The following PRKN variants were observed in gnomAD, a reference collection of about 807,000 sequenced individuals.
PRKN encodes parkin RBR E3 ubiquitin protein ligase.
PRKN carries 56 observed loss-of-function variants against 59.5 expected under a neutral mutation model. The observed-to-expected ratio is 0.94, with a 90% CI of 0.76 to 1.18. The LOEUF is 1.18. Among genes scored for constraint, PRKN ranks in the 50% most tolerant of loss-of-function variants. The pLI, the probability that PRKN is intolerant of heterozygous loss-of-function variation, is 0.00. For synonymous variants in PRKN, 250 were observed against 222.1 expected, an observed-to-expected ratio of 1.13 and a Z score of -1.12; for missense variants, 657 against 596.4, an observed-to-expected ratio of 1.10 and a Z score of -1.06.
intron 1 of PRKN, among the ~76,000 whole-genome samples, chr6:162,581,686 G>T (rs1780798556): frequency 6.6e-6 from 1 of 152,198 alleles, no homozygotes; most frequent in South Asian, 2.1e-4. Context: ...TTGAACCCAG[G>T]AGGCAGAGGG....
At chr6:162,024,855 A>G (rs1783359872) in intron 5 of PRKN, among the ~76,000 whole-genome samples, 1 of 152,216 alleles carries the variant, frequency 6.6e-6, no homozygotes, top group Admixed American at 6.5e-5. Flanking sequence ...CTAAACTGTA[A>G]GCATCTCAAA....
intron 3 of PRKN, among the ~76,000 whole-genome samples, chr6:162,254,152 G>T (rs558419508): frequency 9.2e-5 from 14 of 152,152 alleles, no homozygotes; most frequent in African/African-American, 3.4e-4. Flanking sequence ...CCATGTATTT[G>T]AATCATGAAA....
rs139414564 is a variant in PRKN at position 162,498,509 on chromosome 6, G to A, written c.8-55036C>T. Reference sequence around the variant, plus strand: ...TGCCCAGGCTGGAGTGCAATGGTGCGATCTCGGTTGACTGCAACCTCTGCC... The same window carrying A: ...TGCCCAGGCTGGAGTGCAATGGTGCAATCTCGGTTGACTGCAACCTCTGCC... On this transcript the variant is annotated intron_variant, in intron 1 of 11. Transcript: ENST00000366898. Among the ~76,000 whole-genome samples, 1,310 of 134,000 alleles carry A rather than the reference G, an allele frequency of 9.8e-3. 14 individuals are homozygous for A. The highest frequency in any genetic ancestry group is 0.029 in the Middle Eastern group (7 of 238). 87.9% of individuals were successfully genotyped at this position (134,000 alleles called of 152,430 possible).
At chr6:161,974,493 C>T (rs1330821026) in intron 5 of PRKN, among the ~76,000 whole-genome samples, 1 of 152,124 alleles carries the variant, frequency 6.6e-6, no homozygotes, top group Non-Finnish European at 1.5e-5. Context: ...ATAATATTCT[C>T]CCTTCTCAAC....
At chr6:161,918,568 C>T (rs1306146499) in intron 6 of PRKN, among the ~76,000 whole-genome samples, 1 of 152,162 alleles carries the variant, frequency 6.6e-6, no homozygotes, top group Non-Finnish European at 1.5e-5. Flanking sequence ...CAAAATACTG[C>T]ATGGTATACA....
chr6:162,445,101 T>C (rs1790246738), intron 1 of PRKN, among the ~76,000 whole-genome samples: 1 of 152,166 alleles, frequency 6.6e-6, no homozygotes, highest in South Asian at 2.1e-4. Context: ...CAATGTGAGA[T>C]GACCCACCTC....
chr6:162,134,243 A>G (rs2128308735), intron 4 of PRKN, among the ~76,000 whole-genome samples: 1 of 152,274 alleles, frequency 6.6e-6, no homozygotes, highest in Admixed American at 6.5e-5. Context: ...GTACATATAC[A>G]ATGTCACCAC....
intron 2 of PRKN, among the ~76,000 whole-genome samples, chr6:162,396,168 G>C (rs1379235245): frequency 6.6e-6 from 1 of 152,146 alleles, no homozygotes; most frequent in African/African-American, 2.4e-5. Flanking sequence ...AATGCTGCTG[G>C]GCCATTTTGT....
At chr6:162,035,603 A>G (rs148635020) in intron 5 of PRKN, among the ~76,000 whole-genome samples, 18 of 152,334 alleles carry the variant, frequency 1.2e-4, no homozygotes, top group African/African-American at 4.1e-4. Flanking sequence ...TGTGACTAGT[A>G]AAAGAAAATG....
At chr6:161,721,776 G>T (rs1787233922) in intron 7 of PRKN, among the ~76,000 whole-genome samples, 2 of 152,054 alleles carry the variant, frequency 1.3e-5, no homozygotes, top group Non-Finnish European at 1.5e-5. Context: ...CCCCTACTCG[G>T]TGAACAGAAA....
intron 1 of PRKN, among the ~76,000 whole-genome samples, chr6:162,588,248 T>C (rs1781148160): frequency 6.6e-6 from 1 of 151,860 alleles, no homozygotes; most frequent in Admixed American, 6.6e-5. Flanking sequence ...TGACCTCAAG[T>C]GATCTGCCTG....
intron 1 of PRKN, among the ~76,000 whole-genome samples, chr6:162,577,523 C>G (rs573809258): frequency 6.6e-6 from 1 of 151,950 alleles, no homozygotes; most frequent in Non-Finnish European, 1.5e-5. Context: ...TTGCTTGAAC[C>G]CGGGAGGCGG....
intron 5 of PRKN, among the ~76,000 whole-genome samples, chr6:161,984,673 G>C (rs11759694): frequency 0.14 from 20,674 of 152,024 alleles, 1,476 homozygotes; most frequent in South Asian, 0.23. Context: ...CTTGGAGAAA[G>C]CTTTGACCTT....
intron 9 of PRKN, among the ~76,000 whole-genome samples, chr6:161,491,659 CTT>C (rs1777562607): frequency 1.3e-5 from 2 of 150,522 alleles, no homozygotes; most frequent in Non-Finnish European, 2.9e-5. Flanking sequence ...GAGATGAAGT[CTT>C]TCTCTGTCAC....
At chr6:161,948,619 G>C (rs1779868734) in intron 6 of PRKN, among the ~76,000 whole-genome samples, 1 of 152,176 alleles carries the variant, frequency 6.6e-6, no homozygotes, top group South Asian at 2.1e-4. Context: ...CAGATAAACA[G>C]AGACCTGAGA....
chr6:161,686,075 CA>C (rs34114820), intron 7 of PRKN, among the ~76,000 whole-genome samples: 19,824 of 128,514 alleles, frequency 0.15, 1,508 homozygotes, highest in South Asian at 0.28. Flanking sequence ...TAGAAAACAG[CA>C]AAAAAAAAAA....
intron 7 of PRKN, among the ~76,000 whole-genome samples, chr6:161,643,956 C>T (rs759425317): frequency 3.5e-4 from 41 of 117,248 alleles, no homozygotes; most frequent in Non-Finnish European, 6.0e-4. Flanking sequence ...TTTAGCCTGT[C>T]TTAAGATATC....
At chr6:162,068,043 A>G (rs1288005400) in intron 4 of PRKN, among the ~76,000 whole-genome samples, 6 of 152,158 alleles carry the variant, frequency 3.9e-5, no homozygotes, top group Non-Finnish European at 5.9e-5. Context: ...GATGGTGGAC[A>G]TTTTCCTATC....
chr6:162,224,934 G>A (rs1050866463), intron 3 of PRKN, among the ~76,000 whole-genome samples: 6 of 152,180 alleles, frequency 3.9e-5, no homozygotes, highest in East Asian at 1.9e-4. Context: ...AGTGGTACCC[G>A]AAACTCCTGG....
Sources: allele counts gnomAD v4.1 joint callset (sites outside exome capture counted in the v4.1 genomes callset), GRCh38; gene constraint gnomAD v4.1.1; transcripts MANE v1.5; gene names NCBI Gene and HGNC (gene_info 2026-07-23, HGNC 2026-07-21).